The following HUWE1 variants were observed in gnomAD, a reference collection of about 807,000 sequenced individuals.
HUWE1 encodes the protein HECT, UBA and WWE domain containing E3 ubiquitin protein ligase 1.
In HUWE1, 18 loss-of-function variants were observed where a neutral mutation model predicts 299.4. That is an observed-to-expected ratio of 0.06 (90% CI 0.04 to 0.09). The LOEUF is 0.09. Ranked by LOEUF, HUWE1 falls within the 10% of genes least tolerant of loss-of-function variation. The probability of loss-of-function intolerance (pLI) is 1.00; values close to 1 mark genes in which losing one functional copy is unlikely to be tolerated. For missense variants in HUWE1, 1,832 were observed against 3,462.3 expected (o/e 0.53, Z 11.82); for synonymous variants, 1,317 against 1,286.1 (o/e 1.02, Z -0.51).
intron 7 of HUWE1, among the ~76,000 whole-genome samples, chrX:53,643,852 C>T (rs1269031907): frequency 8.9e-6 from 1 of 111,977 alleles, no homozygotes; most frequent in Non-Finnish European, 1.9e-5. Flanking sequence ...GAGTCTCGGT[C>T]TCACTCTGTT....
In HUWE1 at chrX:53,558,573, G is replaced by A. The variant is rs1171651662; in HGVS notation, c.8160+82C>T. The A allele has an allele frequency of 4.2e-6, 4 of 956,876 alleles. No individual in the cohort carries two copies. In the East Asian group the frequency reaches 1.2e-4, roughly 29 times the overall value. 78.9% of individuals were successfully genotyped at this position (956,876 alleles called of 1,213,427 possible). On this transcript the variant is annotated intron_variant, in intron 59 of 83. Transcript: ENST00000262854. ...CGTGAACGTTCTAGGATTCTTCAGT[G>A]ATTCCTGGTGCCATGTGTATGCCAA...
chrX:53,601,181 A>C (rs1359278206), intron 28 of HUWE1, among the ~76,000 whole-genome samples: 2 of 107,922 alleles, frequency 1.9e-5, no homozygotes, highest in Non-Finnish European at 3.8e-5. Context: ...TTTAAGCCTG[A>C]TACCTTTTTT....
chrX:53,613,723 G>C (rs1557004612), intron 23 of HUWE1, among the ~76,000 whole-genome samples: 2 of 110,861 alleles, frequency 1.8e-5, no homozygotes, highest in African/African-American at 6.6e-5. Flanking sequence ...AATTAATCTG[G>C]AACGAACAGA....
rs1556966523 is a variant in HUWE1, at chrX:53,580,800, A to G, written c.5716+31T>C. 4.2e-6 allele frequency: 5 copies of G among 1,196,806 alleles called. No homozygotes were observed. In the South Asian group the frequency reaches 7.1e-5, roughly 17 times the overall value. On this transcript the variant is annotated intron_variant, in intron 43 of 83. Coordinates refer to ENST00000262854, the MANE Select transcript of HUWE1 (RefSeq NM_031407.7). ...GGATTTATACCAGGCCACAAACTTA[A>G]TATCAAAGGCCAGGAGCAAGCGAAA...
rs369707519 is a variant in HUWE1, at chrX:53,604,815, T to C, written c.2516A>G (p.Lys839Arg). 6 of 1,209,306 alleles carry C rather than the reference T, an allele frequency of 5.0e-6. No homozygotes were observed. Among genetic ancestry groups the C allele is most frequent in the Non-Finnish European group, 5.6e-6 (5 of 893,056 alleles). ...KSILTLSHEP[K>R]VLQEGLLQLD... ...CTGAAGGAGACCCTCTTGAAGGACTTTGGGTTCATGTGACAGTGTCTGAAA... is the reference window on the plus strand; with the variant it reads ...CTGAAGGAGACCCTCTTGAAGGACTCTGGGTTCATGTGACAGTGTCTGAAA... The change falls in exon 26 of 84, where the codon AAA (lysine) becomes AGA (arginine). Residue 839 changes from lysine to arginine, a missense_variant. Physicochemically the swap from Lys to Arg is conservative, Grantham distance 26. Around this residue, in one of 15 missense-constraint regions of HUWE1, gnomAD observed 658 missense variants for 1,282.6 expected, o/e 0.51. Transcript: ENST00000262854.
chrX:53,540,219 T>C (rs189031517), intron 74 of HUWE1, among the ~76,000 whole-genome samples: 3 of 112,330 alleles, frequency 2.7e-5, no homozygotes, highest in East Asian at 5.6e-4. Context: ...ACTTTTGTCA[T>C]TGAATTCTGA....
intron 47 of HUWE1, 88 bp from the exon 48 acceptor site, chrX:53,569,915 A>G: frequency 1.3e-6 from 1 of 796,557 alleles, no homozygotes; most frequent in Non-Finnish European, 1.9e-6. Context: ...CACACATAGT[A>G]TTTCCTTAAG....
intron 19 of HUWE1, among the ~76,000 whole-genome samples, chrX:53,624,236 C>T (rs2066335050): frequency 9.0e-6 from 1 of 111,167 alleles, no homozygotes; most frequent in Non-Finnish European, 1.9e-5. Flanking sequence ...CTACCCGCCT[C>T]GGCCTCCCAA....
chrX:53,573,766 G>C lies in HUWE1; in HGVS notation c.6296C>G (p.Ser2099Cys). The C allele has an allele frequency of 8.3e-7, 1 of 1,206,157 alleles. No homozygotes were observed. The highest frequency in any genetic ancestry group is 1.1e-6 in the Non-Finnish European group (1 of 890,149). ...IANYSYTVGQ[S>C]ELIKEDCSVL... ...AAATATTACCTCTTTGATCAGTTCA[G>C]ACTGGCCCACAGTGTAGCTGTAGTT... The change falls in exon 47 of 84, where the codon TCT becomes TGT. Residue 2099 changes from serine (S) to cysteine (C), a missense_variant. By Grantham distance (112) the Ser-to-Cys change is moderately radical (BLOSUM62 -1). Transcript: ENST00000262854.
intron 3 of HUWE1, 43 bp from the exon 4 acceptor site, chrX:53,654,174 C>A (rs184871779): frequency 1.3e-6 from 1 of 782,531 alleles, no homozygotes; most frequent in Non-Finnish European, 1.9e-6. Context: ...CTTAAAGCTA[C>A]AATCTTGAGC....
intron 3 of HUWE1, among the ~76,000 whole-genome samples, chrX:53,663,395 C>A (rs373180028): frequency 1.8e-5 from 2 of 111,489 alleles, no homozygotes; most frequent in African/African-American, 6.5e-5. Flanking sequence ...TGTCTGTAAT[C>A]CCAGCTACTT....
Position 53,546,751 on chromosome X carries a change from T to C in HUWE1, c.10711A>G (p.Met3571Val). Reference protein sequence around the residue: ...DGGSSSTDFKMVSSGLTENQL... With the variant: ...DGGSSSTDFKVVSSGLTENQL... ...TTTTCAGTGAGGCCAGAGGACACCA[T>C]CTTAAAGTCTGTACTGCTGCTGCCC... The change falls in exon 69 of 84, where the codon ATG becomes GTG. Residue 3571 changes from methionine (M) to valine (V), a missense_variant. Around this residue, in one of 15 missense-constraint regions of HUWE1, gnomAD observed 48 missense variants for 87.0 expected, o/e 0.55. Coordinates refer to ENST00000262854, the MANE Select transcript of HUWE1 (RefSeq NM_031407.7). The C allele has an allele frequency of 3.3e-6, 4 of 1,210,788 alleles. No homozygotes were observed. In the South Asian group the frequency reaches 5.3e-5, roughly 16 times the overall value.
intron 52 of HUWE1, among the ~76,000 whole-genome samples, chrX:53,563,154 C>T (rs1276563537): frequency 8.9e-6 from 1 of 112,199 alleles, no homozygotes; most frequent in African/African-American, 3.2e-5. Flanking sequence ...CACATCTGCC[C>T]TGCCAATCCC....
chrX:53,651,598 T>A (rs781849069), intron 4 of HUWE1, among the ~76,000 whole-genome samples: 8 of 111,707 alleles, frequency 7.2e-5, no homozygotes, highest in Non-Finnish European at 1.3e-4. Flanking sequence ...TACTTTTGTA[T>A]TGTTCTTTTT....
At chrX:53,628,379 A>G (rs1557019801) in intron 15 of HUWE1, 114 bp downstream of exon 15, 1 of 818,120 alleles carries the variant, frequency 1.2e-6, no homozygotes, top group African/African-American at 2.2e-5. Flanking sequence ...CTTTTTCTGG[A>G]TAAGCTTTCT....
chrX:53,535,217 G>GA (rs782584269), intron 81 of HUWE1, among the ~76,000 whole-genome samples, 167 bp downstream of exon 81: 25 of 112,137 alleles, frequency 2.2e-4, no homozygotes, highest in Non-Finnish European at 4.7e-4. Flanking sequence ...TTATAGGTGT[G>GA]AGCCACCGTG....
intron 24 of HUWE1, 123 bp downstream of exon 24, chrX:53,608,729 T>C: frequency 1.8e-6 from 1 of 557,937 alleles, no homozygotes. Context: ...TGGCACATCT[T>C]TCCCCTCTTA....
At chrX:53,561,394 G>A (rs188770861) in intron 55 of HUWE1, among the ~76,000 whole-genome samples, 11 of 112,762 alleles carry the variant, frequency 9.8e-5, no homozygotes, top group African/African-American at 3.2e-4. Flanking sequence ...AAACCCTCAA[G>A]ATCTTGTGTT....
chrX:53,541,992 C>T, intron 74 of HUWE1, among the ~76,000 whole-genome samples: 1 of 111,529 alleles, frequency 9.0e-6, no homozygotes, highest in South Asian at 3.8e-4. Context: ...ACCAGCCTGG[C>T]CAACATGGCG....
Sources: allele counts gnomAD v4.1 joint callset (sites outside exome capture counted in the v4.1 genomes callset), GRCh38; gene constraint gnomAD v4.1.1; regional missense constraint gnomAD v4.1.1; transcripts MANE v1.5; gene names NCBI Gene and HGNC (gene_info 2026-07-23, HGNC 2026-07-21).